Variants in RBL2 observed in about 807,000 individuals in gnomAD.
The protein encoded by RBL2 is RB transcriptional corepressor like 2.
A neutral mutation model predicts 126.0 loss-of-function variants in RBL2; 56 were observed. That is an observed-to-expected ratio of 0.44 (90% CI 0.36 to 0.56). The LOEUF (loss-of-function observed/expected upper bound fraction) is 0.56. RBL2 is among the 20% of genes least tolerant of loss of function. The pLI is 0.00. For missense variants in RBL2, 1,229 were observed against 1,398.2 expected, an observed-to-expected ratio of 0.88 and a Z score of 1.93; for synonymous variants, 454 against 478.5, an observed-to-expected ratio of 0.95 and a Z score of 0.67.
At position 53,449,585 on chromosome 16, in the gene RBL2, CGAAAAAAAAAAAA is replaced by C. The variant is rs1229257235; in HGVS notation, c.638-2117_638-2105del. 7 of 104,210 alleles carry C rather than the reference CGAAAAAAAAAAAA, an allele frequency of 6.7e-5. No homozygotes were observed. The East Asian group carries it at 1.7e-3, about 25-fold the overall frequency. The allele number at this position is 104,210 out of a possible 1,614,324, so 6.5% of individuals were successfully genotyped here. A position where few individuals can be genotyped will look rare whatever the true frequency, so the allele number is the denominator to read the frequency against. On this transcript the variant is annotated intron_variant, in intron 4 of 21. Transcript: ENST00000262133. ...TCTGGGCGACTTTGAGACCGTGTCT[CGAAAAAAAAAAAA>C]AAAAAAAAGAAACTTGGTCCTCTCA...
intron 20 of RBL2, chr16:53,481,172 T>G: frequency 5.7e-6 from 1 of 174,918 alleles, no homozygotes; most frequent in South Asian, 1.3e-4. Context: ...AATAAGCTAG[T>G]TTTACAAATA....
chr16:53,449,965 T>C (rs965762841), intron 4 of RBL2, among the ~76,000 whole-genome samples: 2 of 150,866 alleles, frequency 1.3e-5, no homozygotes, highest in Non-Finnish European at 3.0e-5. Flanking sequence ...TGCCTTTTTT[T>C]TTTTTTTTTT....
intron 21 of RBL2, 126 bp from the exon 22 acceptor site, chr16:53,490,004 C>A: frequency 1.5e-6 from 1 of 684,976 alleles, no homozygotes; most frequent in Non-Finnish European, 2.1e-6. Context: ...CTTAGTGTTT[C>A]TTTTCTCTGT....
intron 4 of RBL2, 87 bp from the exon 5 acceptor site, chr16:53,451,616 A>T: frequency 7.0e-7 from 1 of 1,420,222 alleles, no homozygotes; most frequent in Non-Finnish European, 9.6e-7. Context: ...TTGTTTTGTA[A>T]TGTCATAATA....
intron 17 of RBL2, 40 bp downstream of exon 17, chr16:53,470,962 T>G: frequency 1.9e-6 from 3 of 1,552,926 alleles, no homozygotes; most frequent in Non-Finnish European, 2.6e-6. Flanking sequence ...AGATAGGTCT[T>G]CATTACTGAG....
At chr16:53,477,867 C>T (rs548783471) in intron 17 of RBL2, among the ~76,000 whole-genome samples, 44 of 152,116 alleles carry the variant, frequency 2.9e-4, no homozygotes, top group African/African-American at 9.4e-4. Flanking sequence ...ACTGTATTTA[C>T]GATTACATAA....
rs2057999107 is a variant in RBL2 at position 53,439,976 on chromosome 16, AAAG to A, written c.371+834_371+836del. Among the ~76,000 whole-genome samples, 3 of 131,610 alleles carry A rather than the reference AAAG, an allele frequency of 2.3e-5. No individual in the cohort carries two copies. The South Asian group carries it at 7.1e-4, about 31-fold the overall frequency. 86.3% of individuals were successfully genotyped at this position (131,610 alleles called of 152,430 possible). ...CTCCAAAAAAAAAAAAAAAAAAAAA[AAAG>A]AAGGTTACTATTAAAATAATTAGCA... On this transcript the variant is annotated intron_variant, in intron 2 of 21. Coordinates refer to ENST00000262133, the MANE Select transcript of RBL2 (RefSeq NM_005611.4).
intron 4 of RBL2, among the ~76,000 whole-genome samples, chr16:53,451,373 G>T (rs185730427): frequency 1.3e-5 from 2 of 152,188 alleles, no homozygotes; most frequent in Admixed American, 1.3e-4. Flanking sequence ...ATGTGTGGTG[G>T]CGTGTACCTG....
intron 17 of RBL2, among the ~76,000 whole-genome samples, chr16:53,475,815 C>T (rs1244115782): frequency 1.4e-5 from 2 of 142,604 alleles, no homozygotes; most frequent in East Asian, 4.2e-4. Flanking sequence ...TTAAAAGATA[C>T]CTTTCTAATA....
intron 15 of RBL2, 49 bp from the exon 16 acceptor site, chr16:53,470,334 A>G (rs372392200): frequency 9.6e-5 from 152 of 1,590,672 alleles, no homozygotes; most frequent in Non-Finnish European, 1.3e-4. Context: ...CTGCCCGGAG[A>G]ACCTCTTATT....
chr16:53,459,467 T>A lies in RBL2; in HGVS notation c.1196T>A (p.Ile399Asn). The change falls in exon 9 of 22, where the codon ATC becomes AAC. Residue 399 changes from isoleucine (I) to asparagine (N), a missense_variant. This residue lies in a region of RBL2 where 1,070 missense variants were observed against 1,274.3 expected (regional missense o/e 0.84). Transcript: ENST00000262133. ...TTTCTTTAGTCCAAAGCACTTAGAATCTCCACACCACTAACTGGTGTTAGG... is the reference window on the plus strand; with the variant it reads ...TTTCTTTAGTCCAAAGCACTTAGAAACTCCACACCACTAACTGGTGTTAGG... ...QHFDKSKALR[I>N]STPLTGVRYI... 1 of 1,612,422 alleles carries A rather than the reference T, an allele frequency of 6.2e-7. No homozygotes were observed. Among genetic ancestry groups the A allele is most frequent in the Non-Finnish European group, 8.5e-7 (1 of 1,179,324 alleles).
chr16:53,434,835 G>A lies in RBL2; in HGVS notation c.240+39G>A, dbSNP rs2057940365. The A allele has an allele frequency of 2.7e-6, 4 of 1,458,402 alleles. No individual in the cohort carries two copies. In the South Asian group the frequency reaches 5.2e-5, roughly 19 times the overall value. The allele number at this position is 1,458,402 out of a possible 1,614,324, so 90.3% of individuals were successfully genotyped here. A position where few individuals can be genotyped will look rare whatever the true frequency, so the allele number is the denominator to read the frequency against. On this transcript the variant is annotated intron_variant, in intron 1 of 21. Coordinates refer to ENST00000262133, the MANE Select transcript of RBL2 (RefSeq NM_005611.4). Reference sequence around the variant, plus strand: ...CGGAGGGGCGCTTCCGGCCTAGTTGGCGTGAACCGGTGCCTTCCGAGCCGC... The same window carrying A: ...CGGAGGGGCGCTTCCGGCCTAGTTGACGTGAACCGGTGCCTTCCGAGCCGC...
intron 8 of RBL2, among the ~76,000 whole-genome samples, chr16:53,457,544 C>G (rs879303306): frequency 2.6e-5 from 4 of 152,030 alleles, no homozygotes; most frequent in Non-Finnish European, 5.9e-5. Flanking sequence ...TAGGCGTGAG[C>G]CACCATGCCC....
chr16:53,480,852 C>G, intron 20 of RBL2, 83 bp downstream of exon 20: 1 of 1,360,296 alleles, frequency 7.4e-7, no homozygotes, highest in South Asian at 1.3e-5. Context: ...GGACCATTCA[C>G]CTGGTCCGTA....
At chr16:53,489,110 TAAAG>T (rs1225341910) in intron 21 of RBL2, 4 of 150,102 alleles carry the variant, frequency 2.7e-5, no homozygotes, top group Admixed American at 2.7e-4. Flanking sequence ...CTGTTGATAA[TAAAG>T]AACACTGATT....
intron 9 of RBL2, among the ~76,000 whole-genome samples, chr16:53,461,172 C>T (rs2058215960): frequency 1.3e-5 from 2 of 152,224 alleles, no homozygotes; most frequent in South Asian, 4.1e-4. Flanking sequence ...GGGCCCAGGC[C>T]AAGGTTGCTA....
chr16:53,440,216 A>C (rs2058001984), intron 2 of RBL2, among the ~76,000 whole-genome samples: 1 of 151,658 alleles, frequency 6.6e-6, no homozygotes, highest in South Asian at 2.1e-4. Context: ...AAATCACTTG[A>C]GCCCAGGAGG....
At chr16:53,468,819 A>C (rs1290277527) in intron 14 of RBL2, among the ~76,000 whole-genome samples, 1 of 152,234 alleles carries the variant, frequency 6.6e-6, no homozygotes, top group African/African-American at 2.4e-5. Context: ...CAGAAGAAGG[A>C]AGAAATGCTT....
At position 53,480,799 on chromosome 16, in the gene RBL2, T is replaced by A. The variant is rs551644931; in HGVS notation, c.3084+30T>A. On this transcript the variant is annotated intron_variant, in intron 20 of 21. Coordinates refer to ENST00000262133, the MANE Select transcript of RBL2 (RefSeq NM_005611.4). ...GTATGACAGGGATTATTTCATACTT[T>A]TTTCACTCATGAGTGTTGAGGAATC... The A allele has an allele frequency of 8.3e-5, 131 of 1,575,964 alleles. 1 individual carries two copies. In the South Asian group the frequency reaches 1.4e-3, roughly 17 times the overall value.
Sources: allele counts gnomAD v4.1 joint callset (sites outside exome capture counted in the v4.1 genomes callset), GRCh38; gene constraint gnomAD v4.1.1; regional missense constraint gnomAD v4.1.1; transcripts MANE v1.5; gene names NCBI Gene and HGNC (gene_info 2026-07-23, HGNC 2026-07-21).